Variants in EGF observed in about 807,000 individuals in gnomAD.
The protein encoded by EGF is epidermal growth factor.
In EGF, 95 loss-of-function variants were observed where a neutral mutation model predicts 143.8. The ratio of observed to expected loss-of-function variants is 0.66; its 90% confidence interval spans 0.56 to 0.78. The LOEUF is 0.78. Among genes scored for constraint, EGF ranks in the 30% least tolerant of loss-of-function variants. The pLI is 0.00. For synonymous variants in EGF, 510 were observed against 510.5 expected (o/e 1.00, Z 0.01); for missense variants, 1,320 against 1,470.9 (o/e 0.90, Z 1.68).
chr4:109,934,680 T>G (rs1393745035), intron 1 of EGF, among the ~76,000 whole-genome samples: 1 of 152,106 alleles, frequency 6.6e-6, no homozygotes, highest in Non-Finnish European at 1.5e-5. Context: ...TCTTCTAGGG[T>G]TTTTATGGTT....
intron 9 of EGF, among the ~76,000 whole-genome samples, chr4:109,963,573 G>C (rs1224887120): frequency 6.6e-6 from 1 of 152,124 alleles, no homozygotes; most frequent in Admixed American, 6.5e-5. Context: ...GACAAGAATA[G>C]TCTTAAAACA....
intron 1 of EGF, among the ~76,000 whole-genome samples, chr4:109,914,768 C>A (rs1736312796): frequency 6.6e-6 from 1 of 152,056 alleles, no homozygotes; most frequent in Non-Finnish European, 1.5e-5. Flanking sequence ...CAAAAATGGC[C>A]CCATGAACCT....
At chr4:109,969,659 C>T (rs555564922) in intron 11 of EGF, among the ~76,000 whole-genome samples, 3 of 152,100 alleles carry the variant, frequency 2.0e-5, no homozygotes, top group African/African-American at 7.2e-5. Context: ...ATCAGGGAAA[C>T]TCAAAACCTG....
chr4:109,964,440 T>C lies in EGF; in HGVS notation c.1478T>C (p.Ile493Thr). 1.9e-6 allele frequency: 3 copies of C among 1,614,008 alleles called. No homozygotes were observed. The highest frequency in any genetic ancestry group is 2.5e-6 in the Non-Finnish European group (3 of 1,179,876). The change falls in exon 10 of 24, where the codon ATT becomes ACT. Residue 493 changes from isoleucine (I) to threonine (T), a missense_variant. This residue lies in a region of EGF where 1,186 missense variants were observed against 1,313.7 expected (regional missense o/e 0.90). Coordinates refer to ENST00000265171, the MANE Select transcript of EGF (RefSeq NM_001963.6). ...PFLLFANSQDIRHMHFDGTDY... is the reference protein window; with the variant it reads ...PFLLFANSQDTRHMHFDGTDY... Reference sequence around the variant, plus strand: ...TTGCTGTTTGCCAATTCTCAAGATATTCGACACATGCATTTTGATGGAACA... The same window carrying C: ...TTGCTGTTTGCCAATTCTCAAGATACTCGACACATGCATTTTGATGGAACA...
rs201089325 is a variant in EGF at position 109,976,246 on chromosome 4, G to A, written c.2053+11G>A. The A allele has an allele frequency of 6.2e-7, 1 of 1,610,876 alleles. No homozygotes were observed. Among genetic ancestry groups the A allele is most frequent in the East Asian group, 2.2e-5 (1 of 44,832 alleles). On this transcript the variant is annotated intron_variant, in intron 13 of 23. Coordinates refer to ENST00000265171, the MANE Select transcript of EGF (RefSeq NM_001963.6). ...CCCAGAATGATGTAGGTGAGGCTTTGGGATGGGCGATTTTTTCATCTTGAC... is the reference window on the plus strand; with the variant it reads ...CCCAGAATGATGTAGGTGAGGCTTTAGGATGGGCGATTTTTTCATCTTGAC...
chr4:109,923,424 G>A (rs1227873656), intron 1 of EGF, among the ~76,000 whole-genome samples: 2 of 151,534 alleles, frequency 1.3e-5, no homozygotes, highest in Admixed American at 1.3e-4. Flanking sequence ...TTAAAAAAGA[G>A]AGAAGATAAT....
At chr4:109,995,061 A>G (rs1447666902) in intron 20 of EGF, among the ~76,000 whole-genome samples, 181 bp downstream of exon 20, 1 of 152,174 alleles carries the variant, frequency 6.6e-6, no homozygotes, top group Non-Finnish European at 1.5e-5. Flanking sequence ...GTGTATCACG[A>G]TGCCCCCTTC....
chr4:109,993,507 C>T (rs918442338), intron 19 of EGF, 138 bp downstream of exon 19: 25 of 1,180,428 alleles, frequency 2.1e-5, no homozygotes, highest in Middle Eastern at 3.0e-4. Context: ...CTGATTAGGA[C>T]GATGCTGGGC....
intron 18 of EGF, chr4:109,992,397 A>C (rs1578368540): frequency 6.6e-6 from 1 of 152,132 alleles, no homozygotes; most frequent in Non-Finnish European, 1.5e-5. Context: ...CTGCGCAAGG[A>C]GGACATGCAA....
In EGF at chr4:109,974,807, A is replaced by G; in HGVS notation, c.1829A>G (p.Lys610Arg). The G allele has an allele frequency of 6.2e-7, 1 of 1,611,150 alleles. No homozygotes were observed. Among genetic ancestry groups the G allele is most frequent in the Non-Finnish European group, 8.5e-7 (1 of 1,177,506 alleles). The change falls in exon 12 of 24, where the codon AAG becomes AGG. Residue 610 changes from lysine to arginine, a missense_variant and splice_region_variant. Coordinates refer to ENST00000265171, the MANE Select transcript of EGF (RefSeq NM_001963.6). ...GGAATTGCTGTTCATCCAATGGCCAAGTAGGTATTTGTAAAAATAAGGCAC... is the reference window on the plus strand; with the variant it reads ...GGAATTGCTGTTCATCCAATGGCCAGGTAGGTATTTGTAAAAATAAGGCAC... ...PRGIAVHPMAKRLFWTDTGIN... is the reference protein window; with the variant it reads ...PRGIAVHPMARRLFWTDTGIN...
At chr4:109,982,158 TATTA>T (rs537467903) in intron 15 of EGF, among the ~76,000 whole-genome samples, 106 of 150,730 alleles carry the variant, frequency 7.0e-4, no homozygotes, top group African/African-American at 2.5e-3. Context: ...GTATTTAAAT[TATTA>T]ATTTATTTTA....
In EGF at chr4:109,943,993, A is replaced by T. The variant is rs1742374812; in HGVS notation, c.661A>T (p.Arg221Ter). The T allele has an allele frequency of 1.2e-6, 2 of 1,614,132 alleles. No homozygotes were observed. The highest frequency in any genetic ancestry group is 2.7e-5 in the African/African-American group (2 of 74,944). Residue 221 changes from arginine to a stop codon, truncating the protein, a stop_gained, in exon 4 of 24, where the codon AGA (arginine) becomes TGA (stop). Coordinates refer to ENST00000265171, the MANE Select transcript of EGF (RefSeq NM_001963.6). LOFTEE classifies it high-confidence loss of function. Reference sequence around the variant, plus strand: ...GCGGCTGTTTTGGATTCAGTACAACAGAGAAGGAAGCAATTCTCTTATTTG... The same window carrying T: ...GCGGCTGTTTTGGATTCAGTACAACTGAGAAGGAAGCAATTCTCTTATTTG... ...DKRLFWIQYN[R>*]EGSNSLICSC...
At position 109,983,430 on chromosome 4, in the gene EGF, G is replaced by A. The variant is rs769358506; in HGVS notation, c.2380G>A (p.Val794Ile). 5.0e-6 allele frequency: 8 copies of A among 1,613,408 alleles called. No individual in the cohort carries two copies. The highest frequency in any genetic ancestry group is 6.8e-6 in the Non-Finnish European group (8 of 1,179,722). Residue 794 changes from valine (V) to isoleucine (I), a missense_variant, in exon 16 of 24, where the codon GTT (valine) becomes ATT (isoleucine). Physicochemically the swap from Val to Ile is conservative, Grantham distance 29. Coordinates refer to ENST00000265171, the MANE Select transcript of EGF (RefSeq NM_001963.6). ...DGHQLLAGGE[V>I]DLKNQVTPLD... is the part of the protein sequence containing the mutation. ...CTATTGACCTTCAATAGGTGGTGAA[G>A]TTGATCTAAAGAACCAAGTAACACC...
intron 12 of EGF, among the ~76,000 whole-genome samples, chr4:109,975,711 C>G (rs1005306379): frequency 6.6e-6 from 1 of 152,148 alleles, no homozygotes; most frequent in African/African-American, 2.4e-5. Context: ...TTACTCAAGC[C>G]TATTTACTCA....
In EGF at chr4:109,933,596, C is replaced by T. The variant is rs183284816; in HGVS notation, c.128-7350C>T. Among the ~76,000 whole-genome samples, 36 of 152,186 alleles carry T rather than the reference C, an allele frequency of 2.4e-4. No homozygotes were observed. In the East Asian group the frequency reaches 5.0e-3, roughly 21 times the overall value. The stretch of plus-strand genomic sequence containing the variant: ...CAGCCCCCCACCTCCCAACAGGCCC[C>T]GGTGTGTGATGTTCCCTTCCATGTG... On this transcript the variant is annotated intron_variant, in intron 1 of 23. Coordinates refer to ENST00000265171, the MANE Select transcript of EGF (RefSeq NM_001963.6).
intron 1 of EGF, among the ~76,000 whole-genome samples, chr4:109,933,879 A>G (rs1313464508): frequency 2.0e-5 from 3 of 152,194 alleles, no homozygotes; most frequent in African/African-American, 7.2e-5. Context: ...GCCACAATAA[A>G]CATATGTGTG....
Position 109,983,447 on chromosome 4 carries a change from A to G in EGF, c.2397A>G (p.Gln799=). 6.2e-7 allele frequency: 1 copy of G among 1,613,754 alleles called. No homozygotes were observed. The highest frequency in any genetic ancestry group is 2.2e-5 in the East Asian group (1 of 44,820). Residue 799 remains glutamine (Q), a synonymous_variant, in exon 16 of 24, where the codon CAA becomes CAG. Transcript: ENST00000265171. ...LAGGEVDLKN[Q]VTPLDILSKT... ...GTGGTGAAGTTGATCTAAAGAACCA[A>G]GTAACACCATTGGACATCTTGTCCA...
chr4:109,957,447 A>G (rs978568504), intron 5 of EGF, among the ~76,000 whole-genome samples: 1 of 152,274 alleles, frequency 6.6e-6, no homozygotes, highest in Non-Finnish European at 1.5e-5. Context: ...CACAAAAGTG[A>G]ATGTGCTGCC....
At chr4:109,920,038 C>T (rs1009999900) in intron 1 of EGF, among the ~76,000 whole-genome samples, 1 of 151,522 alleles carries the variant, frequency 6.6e-6, no homozygotes, top group Non-Finnish European at 1.5e-5. Flanking sequence ...ATCGTTGATG[C>T]ATAGGTTTCA....
Sources: gnomAD v4.1 joint callset for allele counts (sites outside exome capture counted in the v4.1 genomes callset) on GRCh38, gnomAD v4.1.1 for gene constraint, gnomAD v4.1.1 regional missense constraint, MANE v1.5 for transcripts, NCBI Gene and HGNC (gene_info 2026-07-23, HGNC 2026-07-21) for gene names.